PNPLA8: variants seen among roughly 807,000 people sequenced by gnomAD.
PNPLA8 encodes the protein calcium-independent phospholipase A2-gamma.
A neutral mutation model predicts 76.9 loss-of-function variants in PNPLA8; 39 were observed. That is an observed-to-expected ratio of 0.51 (90% CI 0.39 to 0.66). PNPLA8 has a LOEUF of 0.66. PNPLA8 is among the 30% of genes least tolerant of loss of function. The pLI is 0.00. For synonymous variants in PNPLA8, 301 were observed against 307.9 expected, an observed-to-expected ratio of 0.98 and a Z score of 0.24; for missense variants, 887 against 918.0, an observed-to-expected ratio of 0.97 and a Z score of 0.44.
chr7:108,479,489 G>A (rs1297196337), intron 9 of PNPLA8, 110 bp from the exon 10 acceptor site: 2 of 750,256 alleles, frequency 2.7e-6, no homozygotes, highest in Non-Finnish European at 4.3e-6. Flanking sequence ...CCTTAAAAGT[G>A]CATTTCTTTT....
At chr7:108,526,153 G>T (rs780879785), upstream of PNPLA8, 20 of 911,122 alleles carry the variant, frequency 2.2e-5, no homozygotes, top group African/African-American at 3.4e-4. Flanking sequence ...CAGCTAGGTC[G>T]CCACCCACTC....
chr7:108,486,995 G>C (rs1247344284), intron 9 of PNPLA8, among the ~76,000 whole-genome samples: 4 of 152,070 alleles, frequency 2.6e-5, no homozygotes, highest in Non-Finnish European at 4.4e-5. Context: ...AGCTTTCAAA[G>C]TATCAGCTCT....
chr7:108,514,131 A>T lies in PNPLA8; in HGVS notation c.1206+13T>A, dbSNP rs752816105. 6.4e-7 allele frequency: 1 copy of T among 1,564,890 alleles called. No individual in the cohort carries two copies. Among genetic ancestry groups the T allele is most frequent in the South Asian group, 1.2e-5 (1 of 86,378 alleles). On this transcript the variant is annotated intron_variant, in intron 4 of 10. Coordinates refer to ENST00000257694, the MANE Select transcript of PNPLA8 (RefSeq NM_001256007.3). Reference sequence around the variant, plus strand: ...TTCCAAGACAAAACTAGATTAAATAAATTAGAAATTACCTTGACAGCCACT... The same window carrying T: ...TTCCAAGACAAAACTAGATTAAATATATTAGAAATTACCTTGACAGCCACT...
chr7:108,527,359 T>G (rs558441654), upstream of PNPLA8, among the ~76,000 whole-genome samples: 2 of 152,316 alleles, frequency 1.3e-5, no homozygotes, highest in South Asian at 4.1e-4. Flanking sequence ...TAATGCCTGG[T>G]AAACCCCAGC....
At chr7:108,506,327 G>A (rs781591709) in intron 4 of PNPLA8, among the ~76,000 whole-genome samples, 8 of 151,950 alleles carry the variant, frequency 5.3e-5, no homozygotes, top group East Asian at 1.9e-4. Flanking sequence ...GCAGCAAGCC[G>A]AGATCGCACC....
intron 9 of PNPLA8, among the ~76,000 whole-genome samples, chr7:108,483,074 C>A (rs938169365): frequency 2.0e-5 from 3 of 152,198 alleles, no homozygotes; most frequent in Non-Finnish European, 4.4e-5. Flanking sequence ...GATAACTCTT[C>A]ATTTCTGGCA....
chr7:108,480,157 G>A (rs866057496), intron 9 of PNPLA8, among the ~76,000 whole-genome samples: 33 of 152,012 alleles, frequency 2.2e-4, no homozygotes, highest in East Asian at 1.3e-3. Flanking sequence ...GCTTGAGTCC[G>A]AGAGTTCAAG....
intron 10 of PNPLA8, among the ~76,000 whole-genome samples, chr7:108,474,527 A>C (rs566114316): frequency 6.6e-6 from 1 of 152,344 alleles, no homozygotes; most frequent in African/African-American, 2.4e-5. Flanking sequence ...AGCAAGTTTG[A>C]AGTTATATAA....
intron 4 of PNPLA8, among the ~76,000 whole-genome samples, chr7:108,511,682 A>C (rs1160362283): frequency 1.3e-5 from 2 of 152,222 alleles, no homozygotes; most frequent in Non-Finnish European, 2.9e-5. Context: ...TTGGAGAAAT[A>C]GTCAGATGCA....
chr7:108,522,529 A>G (rs1465545868), intron 1 of PNPLA8, among the ~76,000 whole-genome samples: 1 of 152,136 alleles, frequency 6.6e-6, no homozygotes, highest in Non-Finnish European at 1.5e-5. Flanking sequence ...AATCAAACCA[A>G]TGTGACTGAT....
chr7:108,486,049 C>G (rs1186175647), intron 9 of PNPLA8, among the ~76,000 whole-genome samples: 1 of 151,972 alleles, frequency 6.6e-6, no homozygotes, highest in African/African-American at 2.4e-5. Context: ...TAAGCGTGAA[C>G]AGAAATATCA....
At chr7:108,507,341 CAAAAAAAAA>C (rs66685490) in intron 4 of PNPLA8, among the ~76,000 whole-genome samples, 1 of 45,372 alleles carries the variant, frequency 2.2e-5, no homozygotes, top group African/African-American at 9.9e-5. Context: ...GACTCTGTCT[CAAAAAAAAA>C]AAAAAAAAAA....
At chr7:108,504,127 C>A (rs538634574) in intron 4 of PNPLA8, among the ~76,000 whole-genome samples, 1 of 152,202 alleles carries the variant, frequency 6.6e-6, no homozygotes, top group South Asian at 2.1e-4. Context: ...CCAGATTTGA[C>A]CCTAACTGAA....
chr7:108,522,362 G>C (rs1863805934), intron 1 of PNPLA8, among the ~76,000 whole-genome samples: 1 of 151,334 alleles, frequency 6.6e-6, no homozygotes, highest in Non-Finnish European at 1.5e-5. Context: ...CTGCTACCTG[G>C]AGCCTTCATC....
chr7:108,491,691 C>T (rs1861178587), intron 7 of PNPLA8, among the ~76,000 whole-genome samples: 1 of 152,148 alleles, frequency 6.6e-6, no homozygotes, highest in South Asian at 2.1e-4. Context: ...ATCTACAGTT[C>T]TGAGGTGGAG....
intron 5 of PNPLA8, among the ~76,000 whole-genome samples, chr7:108,498,774 T>C (rs1220743640): frequency 6.6e-6 from 1 of 152,034 alleles, no homozygotes; most frequent in African/African-American, 2.4e-5. Context: ...CAATTGAGGG[T>C]GTATGTACCA....
rs1859591215 is a variant in PNPLA8, at chr7:108,470,944, CTG to C, written c.*1455_*1456del. On this transcript the variant is annotated 3_prime_UTR_variant, in exon 11 of 11. Coordinates refer to ENST00000257694, the MANE Select transcript of PNPLA8 (RefSeq NM_001256007.3). ...CTCTTTGAACCACATCTCACAGCCT[CTG>C]TGAATTGATATTGCAAAGAAGCAAT... is the stretch of plus-strand genomic sequence containing the variant. The C allele has an allele frequency of 6.6e-6, 1 of 152,170 alleles. No individual in the cohort carries two copies. The highest frequency in any genetic ancestry group is 1.5e-5 in the Non-Finnish European group (1 of 68,054). The allele number at this position is 152,170 out of a possible 1,614,324, so 9.4% of individuals were successfully genotyped here. A position where few individuals can be genotyped will look rare whatever the true frequency, so the allele number is the denominator to read the frequency against.
At chr7:108,505,875 A>G (rs1201691255) in intron 4 of PNPLA8, among the ~76,000 whole-genome samples, 1 of 152,208 alleles carries the variant, frequency 6.6e-6, no homozygotes, top group African/African-American at 2.4e-5. Context: ...CAACCGTAAT[A>G]TATTTTTAAA....
intron 7 of PNPLA8, among the ~76,000 whole-genome samples, chr7:108,496,138 C>T (rs959323712): frequency 2.0e-5 from 3 of 151,890 alleles, no homozygotes; most frequent in Non-Finnish European, 2.9e-5. Flanking sequence ...GGGAGGCTGA[C>T]GTGGGAGGAT....
Sources: allele counts gnomAD v4.1 joint callset (sites outside exome capture counted in the v4.1 genomes callset), GRCh38; gene constraint gnomAD v4.1.1; transcripts MANE v1.5; gene names NCBI Gene and HGNC (gene_info 2026-07-23, HGNC 2026-07-21).